The following PLD1 variants were observed in gnomAD, a reference collection of about 807,000 sequenced individuals.
The protein encoded by PLD1 is phospholipase D1.
A neutral mutation model predicts 137.1 loss-of-function variants in PLD1; 112 were observed. That is an observed-to-expected ratio of 0.82 (90% CI 0.70 to 0.96). The LOEUF (loss-of-function observed/expected upper bound fraction) is 0.96, where lower values mean the gene tolerates loss of function less well. Ranked by LOEUF, PLD1 falls within the 40% of genes least tolerant of loss-of-function variation. The pLI is 0.00. For synonymous variants in PLD1, 431 were observed against 454.7 expected, an observed-to-expected ratio of 0.95 and a Z score of 0.66; for missense variants, 1,321 against 1,342.0, an observed-to-expected ratio of 0.98 and a Z score of 0.24.
At chr3:171,770,455 G>A (rs1222048923) in intron 1 of PLD1, among the ~76,000 whole-genome samples, 1 of 152,196 alleles carries the variant, frequency 6.6e-6, no homozygotes. Flanking sequence ...CGCACCAGTG[G>A]GGTGAGGGAG....
intron 21 of PLD1, among the ~76,000 whole-genome samples, chr3:171,648,214 T>C (rs542401981): frequency 6.6e-6 from 1 of 152,300 alleles, no homozygotes; most frequent in East Asian, 1.9e-4. Context: ...TTGGGGTTTA[T>C]ATTCAGGAAT....
chr3:171,713,375 C>G (rs1044350372), intron 9 of PLD1, among the ~76,000 whole-genome samples: 1 of 152,108 alleles, frequency 6.6e-6, no homozygotes, highest in Non-Finnish European at 1.5e-5. Context: ...GTGGGAGAAT[C>G]GCTTGAACCT....
intron 1 of PLD1, among the ~76,000 whole-genome samples, chr3:171,805,838 G>A (rs1354878881): frequency 2.6e-5 from 4 of 152,124 alleles, no homozygotes; most frequent in African/African-American, 9.7e-5. Context: ...TCTACCATGT[G>A]CTAGTTGTGG....
At chr3:171,664,988 T>C (rs1351264506) in intron 19 of PLD1, among the ~76,000 whole-genome samples, 2 of 152,204 alleles carry the variant, frequency 1.3e-5, no homozygotes, top group African/African-American at 2.4e-5. Flanking sequence ...TAAAAAGTTA[T>C]AGGCAAAGTT....
rs764953309 is a variant in PLD1, at chr3:171,612,330, T to C, written c.2831A>G (p.Lys944Arg). 6 of 1,613,986 alleles carry C rather than the reference T, an allele frequency of 3.7e-6. No individual in the cohort carries two copies. Among genetic ancestry groups the C allele is most frequent in the Non-Finnish European group, 5.1e-6 (6 of 1,179,974 alleles). The change falls in exon 25 of 27, where the codon AAA becomes AGA. Residue 944 changes from lysine (K) to arginine (R), a missense_variant. Coordinates refer to ENST00000351298, the MANE Select transcript of PLD1 (RefSeq NM_002662.5). The surrounding 1 kb of genome is among the most constrained non-coding windows in gnomAD (Gnocchi z 4.1). Reference sequence around the variant, plus strand: ...GGCAAACCGGCCAGCTTGGTACTCTTTTCCATCCATTACTGAAGGAACAGT... The same window carrying C: ...GGCAAACCGGCCAGCTTGGTACTCTCTTCCATCCATTACTGAAGGAACAGT... The part of the protein sequence containing the change: ...TETVPSVMDG[K>R]EYQAGRFARG...
At chr3:171,696,898 T>C (rs973043911) in intron 12 of PLD1, among the ~76,000 whole-genome samples, 3 of 152,156 alleles carry the variant, frequency 2.0e-5, no homozygotes, top group African/African-American at 7.2e-5. Context: ...GAAATGGAAA[T>C]GAAGCACTGT....
intron 16 of PLD1, among the ~76,000 whole-genome samples, chr3:171,681,336 A>C (rs868250923): frequency 1.4e-4 from 21 of 152,186 alleles, no homozygotes; most frequent in African/African-American, 5.1e-4. Flanking sequence ...CCTTTCTAAA[A>C]TCCAGAACTT....
At chr3:171,779,007 G>A (rs1359538330) in intron 1 of PLD1, among the ~76,000 whole-genome samples, 2 of 152,122 alleles carry the variant, frequency 1.3e-5, no homozygotes, top group Admixed American at 1.3e-4. Context: ...GGCCAACATG[G>A]TGAAACCCCC....
chr3:171,757,221 A>G (rs573974432), intron 1 of PLD1, among the ~76,000 whole-genome samples: 1 of 152,342 alleles, frequency 6.6e-6, no homozygotes, highest in South Asian at 2.1e-4. Flanking sequence ...TGAGATAATT[A>G]TGTTTTCACA....
At chr3:171,709,793 C>T in intron 9 of PLD1, 84 bp from the exon 10 acceptor site, 3 of 1,201,908 alleles carry the variant, frequency 2.5e-6, no homozygotes, top group Non-Finnish European at 2.3e-6. Flanking sequence ...ATACCAAACA[C>T]AAACTGAAAA....
At chr3:171,713,572 T>G (rs1352830643) in intron 9 of PLD1, among the ~76,000 whole-genome samples, 2 of 152,252 alleles carry the variant, frequency 1.3e-5, no homozygotes, top group Non-Finnish European at 2.9e-5. Flanking sequence ...AATATTGATT[T>G]ATAAAGTAAA....
chr3:171,704,270 A>ACC (rs1716481301), intron 11 of PLD1, among the ~76,000 whole-genome samples: 1 of 152,158 alleles, frequency 6.6e-6, no homozygotes. Flanking sequence ...TAACAACAAA[A>ACC]CCGGCATTAA....
At chr3:171,680,159 C>T (rs560291165) in intron 16 of PLD1, among the ~76,000 whole-genome samples, 45 of 151,902 alleles carry the variant, frequency 3.0e-4, no homozygotes, top group Non-Finnish European at 5.9e-4. Flanking sequence ...TTTCTCCAGC[C>T]TATCCTTGTT....
At chr3:171,691,930 T>A (rs1715200710) in intron 13 of PLD1, among the ~76,000 whole-genome samples, 1 of 152,216 alleles carries the variant, frequency 6.6e-6, no homozygotes, top group Non-Finnish European at 1.5e-5. Context: ...TGCCATTGAT[T>A]TTTTAAGGCA....
intron 1 of PLD1, chr3:171,788,547 C>T (rs1283494868): frequency 6.6e-6 from 1 of 152,194 alleles, no homozygotes; most frequent in East Asian, 1.9e-4. Context: ...CAAATAAAAA[C>T]TCAAGCCAAG....
chr3:171,724,562 G>A (rs1294266022), intron 8 of PLD1, 134 bp downstream of exon 8: 2 of 606,136 alleles, frequency 3.3e-6, no homozygotes, highest in Non-Finnish European at 5.9e-6. Flanking sequence ...CTGGAATTTG[G>A]ATTTTAAAAT....
Position 171,603,320 on chromosome 3 carries a change from A to G in PLD1, c.3001-18T>C, listed in dbSNP as rs868557752. ...CGGAAAACCTGATTAGAGCATAAAT[A>G]GAAAAATGAGTGAAAAGTTTAAAAG... is the stretch of plus-strand genomic sequence containing the variant. On this transcript the variant is annotated intron_variant, in intron 26 of 26. Coordinates refer to ENST00000351298, the MANE Select transcript of PLD1 (RefSeq NM_002662.5). The G allele has an allele frequency of 6.4e-6, 10 of 1,573,502 alleles. 1 individual carries two copies. The Middle Eastern group carries it at 6.7e-4, about 105-fold the overall frequency.
At position 171,686,687 on chromosome 3, in the gene PLD1, G is replaced by C; in HGVS notation, c.1865C>G (p.Ala622Gly). Reference protein sequence around the residue: ...ESEQGLTRPHADTGSIRSLQT... With the variant: ...ESEQGLTRPHGDTGSIRSLQT... ...CTGCCACTTCACAAATTACTTACCA[G>C]CATGAGGTCTAGTGAGTCCTTGCTC... Residue 622 changes from alanine (A) to glycine (G), a missense_variant and splice_region_variant, in exon 16 of 27, where the codon GCT becomes GGT. By Grantham distance (60) the Ala-to-Gly change is moderately conservative. Transcript: ENST00000351298. 6.6e-7 allele frequency: 1 copy of C among 1,512,946 alleles called. No individual in the cohort carries two copies. Among genetic ancestry groups the C allele is most frequent in the Non-Finnish European group, 9.1e-7 (1 of 1,096,742 alleles). 93.7% of individuals were successfully genotyped at this position (1,512,946 alleles called of 1,614,324 possible). A position where few individuals can be genotyped will look rare whatever the true frequency, so the allele number is the denominator to read the frequency against.
At chr3:171,655,498 C>T (rs960733192) in intron 21 of PLD1, among the ~76,000 whole-genome samples, 1 of 152,082 alleles carries the variant, frequency 6.6e-6, no homozygotes, top group Non-Finnish European at 1.5e-5. Flanking sequence ...GTAGCTAGAA[C>T]TACAGGCACA....
Sources: allele counts gnomAD v4.1 joint callset (sites outside exome capture counted in the v4.1 genomes callset), GRCh38; gene constraint gnomAD v4.1.1; non-coding constraint Gnocchi (gnomAD v3.1); transcripts MANE v1.5; gene names NCBI Gene and HGNC (gene_info 2026-07-23, HGNC 2026-07-21).